Variants in PRORP observed in about 807,000 individuals in gnomAD.
PRORP encodes the protein mitochondrial ribonuclease P catalytic subunit.
PRORP carries 51 observed loss-of-function variants against 59.4 expected under a neutral mutation model. That is an observed-to-expected ratio of 0.86 (90% CI 0.69 to 1.08). The LOEUF (loss-of-function observed/expected upper bound fraction) is 1.08, where lower values mean the gene tolerates loss of function less well. Among genes scored for constraint, PRORP ranks in the 50% least tolerant of loss-of-function variants. PRORP has a pLI of 0.00. For synonymous variants in PRORP, 231 were observed against 245.6 expected (o/e 0.94, Z 0.55); for missense variants, 646 against 690.3 (o/e 0.94, Z 0.72).
chr14:35,213,655 A>T (rs2049510099), intron 5 of PRORP, among the ~76,000 whole-genome samples: 1 of 152,124 alleles, frequency 6.6e-6, no homozygotes, highest in Non-Finnish European at 1.5e-5. Flanking sequence ...TGATATTATT[A>T]TGTCTTGGGG....
chr14:35,275,974 C>A lies in PRORP; in HGVS notation c.*2408C>A, dbSNP rs2051288896. 6.6e-6 allele frequency: 1 copy of A among 152,210 alleles called. No individual in the cohort carries two copies. The highest frequency in any genetic ancestry group is 2.4e-5 in the African/African-American group (1 of 41,410). The allele number at this position is 152,210 out of a possible 1,614,324, so 9.4% of individuals were successfully genotyped here. A position where few individuals can be genotyped will look rare whatever the true frequency, so the allele number is the denominator to read the frequency against. ...CAGACATTTCAGCCATAACCCAGCT[C>A]TTCTAATTCCCAAATACTCTTTCTT... On this transcript the variant is annotated 3_prime_UTR_variant, in exon 8 of 8. Coordinates refer to ENST00000534898, the MANE Select transcript of PRORP (RefSeq NM_014672.4).
chr14:35,172,004 T>C (rs986908716), intron 4 of PRORP, among the ~76,000 whole-genome samples: 1 of 152,032 alleles, frequency 6.6e-6, no homozygotes, highest in Non-Finnish European at 1.5e-5. Context: ...TTACAGTCTC[T>C]GTGGAGATTT....
At chr14:35,252,701 C>G (rs1457583200) in intron 5 of PRORP, among the ~76,000 whole-genome samples, 1 of 152,168 alleles carries the variant, frequency 6.6e-6, no homozygotes, top group Non-Finnish European at 1.5e-5. Flanking sequence ...CCTCAAGCCT[C>G]CTACTTCACC....
intron 4 of PRORP, among the ~76,000 whole-genome samples, chr14:35,148,876 A>G (rs1033690617): frequency 1.2e-4 from 18 of 149,108 alleles, no homozygotes; most frequent in African/African-American, 4.5e-4. Context: ...GTCTGTGCCC[A>G]TAACCTCCCA....
chr14:35,197,067 C>G (rs1595287813), intron 5 of PRORP, among the ~76,000 whole-genome samples: 1 of 152,294 alleles, frequency 6.6e-6, no homozygotes, highest in South Asian at 2.1e-4. Flanking sequence ...GTCAAGTGAT[C>G]CAGTGTCTTT....
intron 5 of PRORP, among the ~76,000 whole-genome samples, chr14:35,187,004 TG>T (rs1335039676): frequency 6.6e-6 from 1 of 152,182 alleles, no homozygotes; most frequent in African/African-American, 2.4e-5. Context: ...TCCCTTTTAT[TG>T]CCAAATCGTG....
At chr14:35,225,976 C>CT (rs1385473797) in intron 5 of PRORP, among the ~76,000 whole-genome samples, 6 of 152,182 alleles carry the variant, frequency 3.9e-5, no homozygotes, top group South Asian at 4.1e-4. Flanking sequence ...AGCTGTAACT[C>CT]TAAGTTTTCA....
At chr14:35,124,790 G>A (rs1595151398) in intron 2 of PRORP, among the ~76,000 whole-genome samples, 1 of 149,060 alleles carries the variant, frequency 6.7e-6, no homozygotes, top group East Asian at 2.0e-4. Flanking sequence ...ACTGTCTCTG[G>A]CCATATTAGT....
At chr14:35,223,730 A>T (rs1213360098) in intron 5 of PRORP, among the ~76,000 whole-genome samples, 1 of 152,188 alleles carries the variant, frequency 6.6e-6, no homozygotes, top group Non-Finnish European at 1.5e-5. Context: ...AAGTGCTGGG[A>T]TTACAGACGT....
intron 5 of PRORP, among the ~76,000 whole-genome samples, chr14:35,208,085 G>A (rs1423151221): frequency 6.6e-6 from 1 of 151,998 alleles, no homozygotes; most frequent in African/African-American, 2.4e-5. Context: ...AGGAGGCAGA[G>A]GTTGCAGTGA....
intron 4 of PRORP, among the ~76,000 whole-genome samples, chr14:35,159,346 C>T (rs1033044709): frequency 6.6e-6 from 1 of 152,114 alleles, no homozygotes. Context: ...ATACTTCTAC[C>T]TCCAAATCCT....
intron 4 of PRORP, among the ~76,000 whole-genome samples, chr14:35,146,900 CG>C (rs2047624687): frequency 6.6e-6 from 1 of 152,014 alleles, no homozygotes; most frequent in East Asian, 1.9e-4. Context: ...GACACCAGCC[CG>C]GGGAACATAG....
At chr14:35,240,074 CAAAA>C (rs773150066) in intron 5 of PRORP, among the ~76,000 whole-genome samples, 5 of 107,284 alleles carry the variant, frequency 4.7e-5, no homozygotes, top group Admixed American at 9.3e-5. Flanking sequence ...GACTCCATCT[CAAAA>C]AAAAAAAAAA....
intron 5 of PRORP, among the ~76,000 whole-genome samples, chr14:35,200,199 T>G (rs568910747): frequency 5.9e-5 from 9 of 152,190 alleles, no homozygotes; most frequent in African/African-American, 1.4e-4. Flanking sequence ...TGTTTGTTTG[T>G]TTTTTTCTTT....
chr14:35,251,513 C>T (rs918875683), intron 5 of PRORP, among the ~76,000 whole-genome samples: 1 of 152,010 alleles, frequency 6.6e-6, no homozygotes, highest in Non-Finnish European at 1.5e-5. Context: ...TTCATCTTTC[C>T]ATACAAAAAA....
intron 4 of PRORP, among the ~76,000 whole-genome samples, chr14:35,140,312 G>C (rs565516876): frequency 7.6e-5 from 11 of 145,292 alleles, no homozygotes; most frequent in African/African-American, 2.2e-4. Context: ...TCCACCAGCA[G>C]AGTATGAGGG....
chr14:35,273,488 A>G lies in PRORP; in HGVS notation c.1674A>G (p.Ile558Met). 6.2e-7 allele frequency: 1 copy of G among 1,613,660 alleles called. No individual in the cohort carries two copies. Among genetic ancestry groups the G allele is most frequent in the Non-Finnish European group, 8.5e-7 (1 of 1,179,802 alleles). Residue 558 changes from isoleucine to methionine, a missense_variant, in exon 8 of 8, where the codon ATA becomes ATG. Transcript: ENST00000534898. ...AAACAACTGGAGACTCGTGGCACAT[A>G]CCATATGATGAAGACTTGGTAGAAA... Reference protein sequence around the residue: ...VVQTTGDSWHIPYDEDLVERC... With the variant: ...VVQTTGDSWHMPYDEDLVERC...
At chr14:35,206,016 T>A (rs998351427) in intron 5 of PRORP, among the ~76,000 whole-genome samples, 1 of 152,194 alleles carries the variant, frequency 6.6e-6, no homozygotes, top group Non-Finnish European at 1.5e-5. Context: ...CAACAGGGTC[T>A]GTTATTTGTT....
intron 5 of PRORP, among the ~76,000 whole-genome samples, chr14:35,243,036 A>G (rs1163524901): frequency 1.3e-5 from 2 of 152,224 alleles, no homozygotes; most frequent in African/African-American, 4.8e-5. Context: ...AACCTGAAGT[A>G]ATGGTCACTC....
Sources: allele counts gnomAD v4.1 joint callset (sites outside exome capture counted in the v4.1 genomes callset), GRCh38; gene constraint gnomAD v4.1.1; transcripts MANE v1.5; gene names NCBI Gene and HGNC (gene_info 2026-07-23, HGNC 2026-07-21).